The following SMARCA4 variants were observed in gnomAD, a reference collection of about 807,000 sequenced individuals.
The protein encoded by SMARCA4 is SWI/SNF-related matrix-associated actin-dependent regulator of chromatin subfamily A member 4.
SMARCA4 carries 31 observed loss-of-function variants against 193.9 expected under a neutral mutation model. That is an observed-to-expected ratio of 0.16 (90% confidence interval 0.12 to 0.22). The LOEUF is 0.22. Among genes scored for constraint, SMARCA4 ranks in the 10% least tolerant of loss-of-function variants. The pLI is 1.00. For synonymous variants in SMARCA4, 942 were observed against 933.1 expected (o/e 1.01, Z -0.17); for missense variants, 1,148 against 2,296.0 (o/e 0.50, Z 10.22).
intron 19 of SMARCA4, 145 bp from the exon 20 acceptor site, chr19:11,023,373 A>G (rs886567033): frequency 1.5e-6 from 1 of 681,994 alleles, no homozygotes; most frequent in Non-Finnish European, 2.7e-6. Flanking sequence ...AGAAAGCATA[A>G]AGCAGGCTGA....
At chr19:11,039,423 A>G (rs2075446199) in intron 29 of SMARCA4, 1 of 1,354,510 alleles carries the variant, frequency 7.4e-7, no homozygotes, top group African/African-American at 1.5e-5. Flanking sequence ...TTGTGCACTG[A>G]AACACTAAAC....
At chr19:10,997,240 A>C (rs1294531047) in intron 11 of SMARCA4, among the ~76,000 whole-genome samples, 1 of 151,664 alleles carries the variant, frequency 6.6e-6, no homozygotes, top group East Asian at 1.9e-4. Context: ...GTTCTGTCAC[A>C]CAGGCTGGAG....
At chr19:11,048,341 C>T (rs544735187) in intron 30 of SMARCA4, among the ~76,000 whole-genome samples, 2 of 152,256 alleles carry the variant, frequency 1.3e-5, no homozygotes, top group African/African-American at 4.8e-5. Context: ...AAGTGATTCT[C>T]CTGCCTCAGC....
chr19:11,009,938 C>T lies in SMARCA4; in HGVS notation c.2124-443C>T, dbSNP rs555563237. On this transcript the variant is annotated intron_variant, in intron 14 of 34. Coordinates refer to ENST00000344626, the MANE Select transcript of SMARCA4 (RefSeq NM_003072.5). The stretch of plus-strand genomic sequence containing the variant: ...TCCTGACCTCAGGTGATCCACATGC[C>T]TTGGCCTCCCAAAGTGCTGGGATTA... 1.5e-3 allele frequency among the ~76,000 whole-genome samples: 225 copies of T among 152,004 alleles called. 3 individuals are homozygous for T. Among genetic ancestry groups the T allele is most frequent in the African/African-American group, 5.3e-3 (219 of 41,442 alleles).
intron 21 of SMARCA4, 58 bp from the exon 22 acceptor site, chr19:11,025,364 G>T: frequency 7.3e-5 from 78 of 1,074,124 alleles, no homozygotes; most frequent in Non-Finnish European, 9.9e-5. Flanking sequence ...CATCCACCAA[G>T]CCCACCCCAC....
In SMARCA4 at chr19:11,018,753, C is replaced by G. The variant is rs10417443; in HGVS notation, c.2439-204C>G. The G allele has an allele frequency of 0.6, 405,921 of 675,176 alleles. 127,434 individuals carry two copies. The highest frequency in any genetic ancestry group is 0.92 in the African/African-American group (52,003 of 56,756). The allele number at this position is 675,176 out of a possible 1,614,324, so 41.8% of individuals were successfully genotyped here. ...CCCTCTTTTCCCAGTGGCCTCCCTT[C>G]TGTCCTCTGAGGCAGAGCCCTTCAC... On this transcript the variant is annotated intron_variant, in intron 16 of 34. Coordinates refer to ENST00000344626, the MANE Select transcript of SMARCA4 (RefSeq NM_003072.5).
At chr19:10,968,070 C>T (rs1270644225) in intron 1 of SMARCA4, among the ~76,000 whole-genome samples, 2 of 151,878 alleles carry the variant, frequency 1.3e-5, no homozygotes, top group East Asian at 3.9e-4. Flanking sequence ...CCAGGATGGT[C>T]TTGATCTCCT....
In SMARCA4 at chr19:11,024,402, C is replaced by T. The variant is rs56101423; in HGVS notation, c.3045C>T (p.Gly1015=). 3,198 of 1,612,958 alleles carry T rather than the reference C, an allele frequency of 2.0e-3. 5 individuals are homozygous for T. The highest frequency in any genetic ancestry group is 2.5e-3 in the Non-Finnish European group (2,928 of 1,179,672). ...TCTACCGCCACATGCAGGCCAAGGG[C>T]GTGCTGCTGACTGATGGCTCCGAGA... The part of the protein sequence containing the change: ...RVLYRHMQAK[G]VLLTDGSEKD... Residue 1015 remains glycine (G), a synonymous_variant, in exon 21 of 35, where the codon GGC becomes GGT. Coordinates refer to ENST00000344626, the MANE Select transcript of SMARCA4 (RefSeq NM_003072.5).
Position 11,021,985 on chromosome 19 carries a change from T to C in SMARCA4, c.2859+18T>C. ...GGGAAAAGGTGGGTTTGCCCAGCTG[T>C]GCCCATGCTGACGGTTCCAGGTGCG... On this transcript the variant is annotated intron_variant, in intron 19 of 34. Coordinates refer to ENST00000344626, the MANE Select transcript of SMARCA4 (RefSeq NM_003072.5). 6.2e-7 allele frequency: 1 copy of C among 1,611,530 alleles called. No homozygotes were observed. Among genetic ancestry groups the C allele is most frequent in the South Asian group, 1.1e-5 (1 of 90,996 alleles).
At chr19:11,025,390 C>G (rs2146494314) in intron 21 of SMARCA4, 32 bp from the exon 22 acceptor site, 1 of 1,511,880 alleles carries the variant, frequency 6.6e-7, no homozygotes, top group Non-Finnish European at 9.2e-7. Context: ...GAGGGCAAGA[C>G]CCCATTTGGG....
Position 10,985,503 on chromosome 19 carries a change from T to C in SMARCA4, c.355+98T>C, listed in dbSNP as rs1260858290. The stretch of plus-strand genomic sequence containing the variant: ...GTTCCCACAGGATGGATTCAGGGAG[T>C]ACCTAGGATGATGTAGCCGGGTGGG... On this transcript the variant is annotated intron_variant, in intron 3 of 34. Transcript: ENST00000344626. The surrounding 1 kb of genome is among the most constrained non-coding windows in gnomAD (Gnocchi z 4.5). 3 of 1,430,450 alleles carry C rather than the reference T, an allele frequency of 2.1e-6. No individual in the cohort carries two copies. The East Asian group carries it at 7.4e-5, about 35-fold the overall frequency. The allele number at this position is 1,430,450 out of a possible 1,614,324, so 88.6% of individuals were successfully genotyped here.
At chr19:11,005,418 T>C (rs1180738553) in intron 13 of SMARCA4, among the ~76,000 whole-genome samples, 1 of 152,234 alleles carries the variant, frequency 6.6e-6, no homozygotes, top group African/African-American at 2.4e-5. Context: ...ATCCAAAGAT[T>C]GGCCACAGTT....
At chr19:11,022,249 A>T (rs112644666) in intron 19 of SMARCA4, among the ~76,000 whole-genome samples, 2 of 152,140 alleles carry the variant, frequency 1.3e-5, no homozygotes, top group African/African-American at 4.8e-5. Flanking sequence ...GATGGCCCTG[A>T]GGCAGCTGTG....
rs936817496 is a variant in SMARCA4, at chr19:10,979,507, C to G, written c.-31-4614C>G. The stretch of plus-strand genomic sequence containing the variant: ...TCCTGGGCTCAAACAGTTCTCCCTA[C>G]TCAGCCTCCTGAGTATAAGCTAATT... On this transcript the variant is annotated intron_variant, in intron 1 of 34. Transcript: ENST00000344626. Among the ~76,000 whole-genome samples the G allele has an allele frequency of 6.8e-4, 102 of 149,938 alleles. 2 individuals carry two copies. The highest frequency in any genetic ancestry group is 2.4e-3 in the African/African-American group (98 of 40,724).
chr19:11,043,977 A>T (rs1568532716), intron 30 of SMARCA4, among the ~76,000 whole-genome samples: 2 of 152,224 alleles, frequency 1.3e-5, no homozygotes, highest in Non-Finnish European at 2.9e-5. Context: ...CAATACCTGA[A>T]AAACAAAAAA....
In SMARCA4 at chr19:10,991,139, C is replaced by G. The variant is rs777983792; in HGVS notation, c.1246-11C>G. 1 of 1,613,252 alleles carries G rather than the reference C, an allele frequency of 6.2e-7. No homozygotes were observed. Among genetic ancestry groups the G allele is most frequent in the Non-Finnish European group, 8.5e-7 (1 of 1,179,884 alleles). Reference sequence around the variant, plus strand: ...GTGCAGTGCGCGGGCTTGTCCTCTTCCCTCCTACAGCTGCGCCAGGAGGTG... The same window carrying G: ...GTGCAGTGCGCGGGCTTGTCCTCTTGCCTCCTACAGCTGCGCCAGGAGGTG... On this transcript the variant is annotated splice_polypyrimidine_tract_variant and intron_variant, in intron 7 of 34. Coordinates refer to ENST00000344626, the MANE Select transcript of SMARCA4 (RefSeq NM_003072.5).
intron 13 of SMARCA4, among the ~76,000 whole-genome samples, chr19:11,006,904 G>A (rs2088267344): frequency 6.6e-6 from 1 of 151,670 alleles, no homozygotes; most frequent in Admixed American, 6.6e-5. Context: ...GGGCAACATA[G>A]TGAGTCCCTG....
Position 11,034,867 on chromosome 19 carries a change from TG to T in SMARCA4, c.3952-45del. 1.5e-6 allele frequency: 2 copies of T among 1,303,524 alleles called. No individual in the cohort carries two copies. The highest frequency in any genetic ancestry group is 2.2e-6 in the Non-Finnish European group (2 of 928,502). 80.7% of individuals were successfully genotyped at this position (1,303,524 alleles called of 1,614,324 possible). ...CGGTGTTCTGGCTCTAGCGTGCCCC[TG>T]GTGCCTGCATGCTGATGCCTCTCCC... On this transcript the variant is annotated intron_variant, in intron 28 of 34. Transcript: ENST00000344626. This position sits in a 1 kb window ranked among gnomAD's most constrained non-coding sequence, Gnocchi z 7.0.
rs546308596 is a variant in SMARCA4, at chr19:10,973,385, G to A, written c.-31-10736G>A. On this transcript the variant is annotated intron_variant, in intron 1 of 34. Coordinates refer to ENST00000344626, the MANE Select transcript of SMARCA4 (RefSeq NM_003072.5). ...TCCTGGATGCTTTTAGGTCCCTTGGGTAGGTGCTCTTAAGCGGTTTTCTTT... is the reference window on the plus strand; with the variant it reads ...TCCTGGATGCTTTTAGGTCCCTTGGATAGGTGCTCTTAAGCGGTTTTCTTT... Among the ~76,000 whole-genome samples the A allele has an allele frequency of 3.9e-5, 6 of 152,006 alleles. No individual in the cohort carries two copies. In the South Asian group the frequency reaches 1.2e-3, roughly 32 times the overall value.
Sources: allele counts gnomAD v4.1 joint callset (sites outside exome capture counted in the v4.1 genomes callset), GRCh38; gene constraint gnomAD v4.1.1; non-coding constraint Gnocchi (gnomAD v3.1); transcripts MANE v1.5; gene names NCBI Gene and HGNC (gene_info 2026-07-23, HGNC 2026-07-21).